MGA: variants seen among roughly 807,000 people sequenced by gnomAD.
MGA encodes the protein MAX dimerization protein MGA.
In MGA, 40 loss-of-function variants were observed where a neutral mutation model predicts 261.1. That is an observed-to-expected ratio of 0.15 (90% CI 0.12 to 0.20). The LOEUF (loss-of-function observed/expected upper bound fraction) is 0.20, where lower values mean the gene tolerates loss of function less well. MGA is among the 10% of genes least tolerant of loss of function. The pLI is 1.00. For synonymous variants in MGA, 1,302 were observed against 1,290.6 expected (o/e 1.01, Z -0.19); for missense variants, 3,397 against 3,630.5 (o/e 0.94, Z 1.65).
At chr15:41,716,224 G>C (rs1197972048) in intron 9 of MGA, among the ~76,000 whole-genome samples, 1 of 151,690 alleles carries the variant, frequency 6.6e-6, no homozygotes, top group East Asian at 1.9e-4. Context: ...GAGGCGGGCA[G>C]ATCACGAGGT....
chr15:41,660,378 T>G (rs1380688733), upstream of MGA: 1 of 152,308 alleles, frequency 6.6e-6, no homozygotes, highest in African/African-American at 2.4e-5. Flanking sequence ...TCCGAGCGGG[T>G]AGGAGCGCGT....
intron 1 of MGA, among the ~76,000 whole-genome samples, chr15:41,660,901 C>T (rs1464445927): frequency 2.6e-5 from 4 of 152,188 alleles, no homozygotes; most frequent in East Asian, 1.9e-4. Context: ...ACTTCTCGCC[C>T]GGCGCCGGGC....
intron 9 of MGA, among the ~76,000 whole-genome samples, chr15:41,722,945 CT>C (rs1272298325): frequency 2.0e-5 from 3 of 152,128 alleles, no homozygotes; most frequent in Non-Finnish European, 4.4e-5. Context: ...CCACGAGTAA[CT>C]GAATTCCTGT....
At chr15:41,682,462 T>C (rs4924570) in intron 2 of MGA, among the ~76,000 whole-genome samples, 45,854 of 151,988 alleles carry the variant, frequency 0.3, 8,205 homozygotes, top group Admixed American at 0.39. Flanking sequence ...TTTGCTATTT[T>C]CATATAGGTT....
intron 1 of MGA, among the ~76,000 whole-genome samples, chr15:41,653,834 C>T (rs1258135390): frequency 6.6e-6 from 1 of 151,932 alleles, no homozygotes; most frequent in East Asian, 1.9e-4. Flanking sequence ...CTAAGTGTAA[C>T]TTAACCTGCC....
At chr15:41,755,140 A>G (rs1424849216) in intron 18 of MGA, among the ~76,000 whole-genome samples, 2 of 152,162 alleles carry the variant, frequency 1.3e-5, no homozygotes, top group Admixed American at 1.3e-4. Flanking sequence ...AATTTATTTC[A>G]TTTTCTGTTT....
intron 2 of MGA, among the ~76,000 whole-genome samples, chr15:41,683,216 T>C (rs2058765942): frequency 6.6e-6 from 1 of 152,128 alleles, no homozygotes; most frequent in Admixed American, 6.5e-5. Context: ...ATCTTTGTAC[T>C]GTGCTTTATT....
chr15:41,728,352 TGA>T (rs2151698559), intron 10 of MGA, among the ~76,000 whole-genome samples: 1 of 152,064 alleles, frequency 6.6e-6, no homozygotes, highest in Admixed American at 6.6e-5. Context: ...CAACAAAACC[TGA>T]AAAAGGCAAG....
intron 12 of MGA, among the ~76,000 whole-genome samples, chr15:41,734,995 T>C (rs1181961177): frequency 6.6e-6 from 1 of 152,200 alleles, no homozygotes; most frequent in Admixed American, 6.5e-5. Flanking sequence ...TGGCAGAGGC[T>C]ACTGTCAGAA....
At chr15:41,702,033 A>G (rs1362005847) in intron 5 of MGA, among the ~76,000 whole-genome samples, 1 of 151,932 alleles carries the variant, frequency 6.6e-6, no homozygotes, top group Non-Finnish European at 1.5e-5. Flanking sequence ...AAAAAGCCAT[A>G]CTTGGGCCAG....
chr15:41,734,167 C>G (rs544515664), intron 11 of MGA, among the ~76,000 whole-genome samples: 1 of 152,108 alleles, frequency 6.6e-6, no homozygotes, highest in Non-Finnish European at 1.5e-5. Flanking sequence ...CTCGGCCTCT[C>G]GGAATGCTGG....
At chr15:41,729,889 TTTTA>T (rs539286322) in intron 11 of MGA, among the ~76,000 whole-genome samples, 77 of 151,970 alleles carry the variant, frequency 5.1e-4, no homozygotes, top group African/African-American at 1.8e-3. Context: ...TATAATAATC[TTTTA>T]TTTATTTATT....
At chr15:41,681,268 G>A (rs954721245) in intron 2 of MGA, among the ~76,000 whole-genome samples, 88 of 151,964 alleles carry the variant, frequency 5.8e-4, no homozygotes, top group African/African-American at 2.1e-3. Flanking sequence ...TGTGGTATTT[G>A]CCTCTGTCTA....
chr15:41,677,964 C>T (rs2058470588), intron 2 of MGA, among the ~76,000 whole-genome samples: 1 of 151,960 alleles, frequency 6.6e-6, no homozygotes, highest in Non-Finnish European at 1.5e-5. Flanking sequence ...ATTCTCTTAC[C>T]TGTGCTTTTG....
At chr15:41,626,041 A>C (rs2056442393) in intron 1 of MGA, among the ~76,000 whole-genome samples, 1 of 152,284 alleles carries the variant, frequency 6.6e-6, no homozygotes, top group East Asian at 1.9e-4. Flanking sequence ...CACTGTGCCT[A>C]ATTTATAAAT....
At chr15:41,764,189 C>A (rs924954278) in intron 22 of MGA, among the ~76,000 whole-genome samples, 1 of 150,504 alleles carries the variant, frequency 6.6e-6, no homozygotes, top group Non-Finnish European at 1.5e-5. Context: ...ATGGTATATT[C>A]TTTTTTACTC....
At position 41,728,994 on chromosome 15, in the gene MGA, T is replaced by A. The variant is rs1384077313; in HGVS notation, c.3658-170T>A. Among the ~76,000 whole-genome samples the A allele has an allele frequency of 2.0e-5, 3 of 152,246 alleles. No homozygotes were observed. The East Asian group carries it at 5.8e-4, about 29-fold the overall frequency. ...GATAGAGAACTGGATCCTTTCTGAC[T>A]GCCCTAAGGTTCGGCACATATGAAC... On this transcript the variant is annotated intron_variant, in intron 10 of 23. Transcript: ENST00000219905.
chr15:41,743,212 C>A, intron 15 of MGA, 40 bp downstream of exon 15: 1 of 1,538,304 alleles, frequency 6.5e-7, no homozygotes, highest in African/African-American at 1.4e-5. Context: ...TTTTACTGTA[C>A]ACCTATTTAT....
chr15:41,656,377 T>TCTCTCTCACA (rs1555403733), upstream of MGA, among the ~76,000 whole-genome samples: 427 of 68,182 alleles, frequency 6.3e-3, 15 homozygotes, highest in Non-Finnish European at 9.8e-3. Flanking sequence ...TCTCTCTCTC[T>TCTCTCTCACA]CACACCCAGG....
Sources: gnomAD v4.1 joint callset for allele counts (sites outside exome capture counted in the v4.1 genomes callset) on GRCh38, gnomAD v4.1.1 for gene constraint, MANE v1.5 for transcripts, NCBI Gene and HGNC (gene_info 2026-07-23, HGNC 2026-07-21) for gene names.